Variants in CDH4 observed in about 807,000 individuals in gnomAD.
CDH4 encodes cadherin 4.
Under a neutral mutation model 86.0 loss-of-function variants are expected in CDH4, and 33 were observed. That is an observed-to-expected ratio of 0.38 (90% CI 0.29 to 0.51). The LOEUF is 0.51. Among genes scored for constraint, CDH4 ranks in the 20% least tolerant of loss-of-function variants. The probability of loss-of-function intolerance (pLI) is 0.86; values close to 1 mark genes in which losing one functional copy is unlikely to be tolerated. For missense variants in CDH4, 1,114 were observed against 1,307.4 expected (o/e 0.85, Z 2.28); for synonymous variants, 555 against 549.4 (o/e 1.01, Z -0.14).
chr20:61,519,817 G>A (rs2085855536), intron 2 of CDH4, among the ~76,000 whole-genome samples: 1 of 152,224 alleles, frequency 6.6e-6, no homozygotes, highest in Non-Finnish European at 1.5e-5. Context: ...AAACTGAGGT[G>A]CAGAGATGGG....
intron 2 of CDH4, among the ~76,000 whole-genome samples, chr20:61,366,651 A>G (rs1266845876): frequency 2.6e-5 from 4 of 152,258 alleles, no homozygotes; most frequent in African/African-American, 7.2e-5. Flanking sequence ...CAGCAGGAGC[A>G]TGTCCTTAAG....
At chr20:61,777,640 C>CCACACGCGCACACACGTGCA (rs2088857227) in intron 4 of CDH4, among the ~76,000 whole-genome samples, 1 of 147,924 alleles carries the variant, frequency 6.8e-6, no homozygotes, top group East Asian at 2.0e-4. Context: ...AAACACACGT[C>CCACACGCGCACACACGTGCA]TACACACGCA....
In CDH4 at chr20:61,823,076, A is replaced by G. The variant is rs573944110; in HGVS notation, c.577-21592A>G. Among the ~76,000 whole-genome samples, 3 of 152,262 alleles carry G rather than the reference A, an allele frequency of 2.0e-5. No homozygotes were observed. The East Asian group carries it at 5.8e-4, about 30-fold the overall frequency. On this transcript the variant is annotated intron_variant, in intron 4 of 15. Transcript: ENST00000614565. ...ATCTGCAGCCACAGTTCCGGTCCCA[A>G]AACTGTCTGATGGAGAATTCTCTTG...
intron 2 of CDH4, among the ~76,000 whole-genome samples, chr20:61,628,211 G>A (rs1325289907): frequency 6.6e-6 from 1 of 152,104 alleles, no homozygotes; most frequent in Non-Finnish European, 1.5e-5. Flanking sequence ...CAGGACCCCC[G>A]GCTGCTGCGT....
At chr20:61,565,188 T>TGGTGGTGG (rs1568688293) in intron 2 of CDH4, among the ~76,000 whole-genome samples, 1 of 66,976 alleles carries the variant, frequency 1.5e-5, no homozygotes, top group Non-Finnish European at 2.9e-5. Flanking sequence ...GTGGTGGTGG[T>TGGTGGTGG]CCTCTTGGTG....
intron 2 of CDH4, among the ~76,000 whole-genome samples, chr20:61,653,770 C>T (rs1261468250): frequency 9.0e-6 from 1 of 111,024 alleles, no homozygotes; most frequent in Non-Finnish European, 2.1e-5. Context: ...GAGGCGCTCC[C>T]CACATCCCAG....
chr20:61,521,847 A>G (rs1448326869), intron 2 of CDH4, among the ~76,000 whole-genome samples: 2 of 152,140 alleles, frequency 1.3e-5, no homozygotes, highest in Admixed American at 6.5e-5. Flanking sequence ...AGGCAGTGCA[A>G]CGGCCGGCCT....
intron 2 of CDH4, among the ~76,000 whole-genome samples, chr20:61,456,381 A>G (rs961169899): frequency 2.0e-5 from 3 of 152,200 alleles, no homozygotes; most frequent in Admixed American, 6.5e-5. Context: ...GTTCTCTGCT[A>G]CGGCTGATTT....
intron 2 of CDH4, among the ~76,000 whole-genome samples, chr20:61,654,502 T>C (rs905771554): frequency 6.6e-6 from 1 of 152,238 alleles, no homozygotes; most frequent in Non-Finnish European, 1.5e-5. Context: ...TAGTTGTGTA[T>C]TTACATTGTA....
At chr20:61,376,201 G>A (rs1302188314) in intron 2 of CDH4, among the ~76,000 whole-genome samples, 1 of 151,966 alleles carries the variant, frequency 6.6e-6, no homozygotes, top group Admixed American at 6.6e-5. Context: ...TGGGTGTGGT[G>A]GTGGTGCCAA....
At chr20:61,716,765 T>A (rs564173925) in intron 2 of CDH4, among the ~76,000 whole-genome samples, 1 of 151,956 alleles carries the variant, frequency 6.6e-6, no homozygotes, top group Non-Finnish European at 1.5e-5. Context: ...AAAAATTAGC[T>A]AGGTGTTTGG....
rs775253758 is a variant in CDH4, at chr20:61,895,080, G to GCAGCTT, written c.1188+34_1188+35insAGCTTC. ...CCTCGAAGCTGCCCAGTGACGCATGGCCCGTGCAGGGCAGGAATGCACTGG... is the reference window on the plus strand; with the variant it reads ...CCTCGAAGCTGCCCAGTGACGCATGGCAGCTTCCCGTGCAGGGCAGGAATGCACTGG... On this transcript the variant is annotated intron_variant, in intron 8 of 15. Transcript: ENST00000614565. 44 of 1,609,248 alleles carry GCAGCTT rather than the reference G, an allele frequency of 2.7e-5. No homozygotes were observed. The Admixed American group carries it at 6.2e-4, about 23-fold the overall frequency.
In CDH4 at chr20:61,703,779, C is replaced by A. The variant is rs2087801755; in HGVS notation, c.170-39784C>A. On this transcript the variant is annotated intron_variant, in intron 2 of 15. Coordinates refer to ENST00000614565, the MANE Select transcript of CDH4 (RefSeq NM_001794.5). This position sits in a 1 kb window ranked among gnomAD's most constrained non-coding sequence, Gnocchi z 4.3. ...CCCTGTGCACTATTCAGCCTCCCTCCCCTGACTGTGTCCTTTTCATTTTAA... is the reference window on the plus strand; with the variant it reads ...CCCTGTGCACTATTCAGCCTCCCTCACCTGACTGTGTCCTTTTCATTTTAA... 6.6e-6 allele frequency among the ~76,000 whole-genome samples: 1 copy of A among 152,222 alleles called. No homozygotes were observed. Among genetic ancestry groups the A allele is most frequent in the Non-Finnish European group, 1.5e-5 (1 of 68,054 alleles).
chr20:61,637,658 C>T (rs560698522), intron 2 of CDH4, among the ~76,000 whole-genome samples: 19 of 152,320 alleles, frequency 1.2e-4, no homozygotes, highest in African/African-American at 4.6e-4. Flanking sequence ...TAACAAGCAT[C>T]TAAACCATAT....
intron 2 of CDH4, among the ~76,000 whole-genome samples, chr20:61,401,066 C>T (rs2085046912): frequency 1.3e-5 from 2 of 152,240 alleles, no homozygotes; most frequent in African/African-American, 4.8e-5. Flanking sequence ...TCCCTAGACC[C>T]TGTTTCTGGG....
intron 2 of CDH4, among the ~76,000 whole-genome samples, chr20:61,654,881 C>T (rs6089454): frequency 0.33 from 49,408 of 151,672 alleles, 8,207 homozygotes; most frequent in East Asian, 0.57. Context: ...TCCTCTGAGA[C>T]GGGCAGACCC....
chr20:61,256,120 G>A (rs934844256), intron 2 of CDH4, among the ~76,000 whole-genome samples: 5 of 152,214 alleles, frequency 3.3e-5, no homozygotes, highest in Non-Finnish European at 5.9e-5. Context: ...TCACTTTGGA[G>A]TTAGAACGGG....
chr20:61,503,189 C>T (rs1019139716), intron 2 of CDH4, among the ~76,000 whole-genome samples: 2 of 152,052 alleles, frequency 1.3e-5, no homozygotes, highest in African/African-American at 2.4e-5. Flanking sequence ...CTCTAAGAAA[C>T]GGGATATACG....
At chr20:61,342,903 A>G (rs1442830308) in intron 2 of CDH4, among the ~76,000 whole-genome samples, 1 of 149,092 alleles carries the variant, frequency 6.7e-6, no homozygotes, top group East Asian at 1.9e-4. Flanking sequence ...TAAAGGTGGC[A>G]TCTCAAATGA....
Sources: allele counts gnomAD v4.1 joint callset (sites outside exome capture counted in the v4.1 genomes callset), GRCh38; gene constraint gnomAD v4.1.1; non-coding constraint Gnocchi (gnomAD v3.1); transcripts MANE v1.5; gene names NCBI Gene and HGNC (gene_info 2026-07-23, HGNC 2026-07-21).